Variants in DCTN2 observed in about 807,000 individuals in gnomAD.
DCTN2 encodes the protein 50 kDa dynein-associated polypeptide.
A neutral mutation model predicts 55.4 loss-of-function variants in DCTN2; 18 were observed. That is an observed-to-expected ratio of 0.32 (90% CI 0.22 to 0.48). The LOEUF is 0.48. Among genes scored for constraint, DCTN2 ranks in the 20% least tolerant of loss-of-function variants. The pLI is 0.99. For synonymous variants in DCTN2, 168 were observed against 185.2 expected, an observed-to-expected ratio of 0.91 and a Z score of 0.76; for missense variants, 390 against 491.0, an observed-to-expected ratio of 0.79 and a Z score of 1.94.
intron 2 of DCTN2, among the ~76,000 whole-genome samples, chr12:57,539,607 T>C (rs1486781968): frequency 1.3e-5 from 2 of 152,204 alleles, no homozygotes; most frequent in African/African-American, 4.8e-5. Context: ...TGGTTGAGGA[T>C]GGTTGTATGC....
chr12:57,537,361 AG>A lies in DCTN2; in HGVS notation c.106-1517del, dbSNP rs1313953264. Reference sequence around the variant, plus strand: ...AAAAAGAAAAAGAGAGAGAGAGAAAAGAAAAAAAAAAAAAAAAAAAGGCCTG... The same window carrying A: ...AAAAAGAAAAAGAGAGAGAGAGAAAAAAAAAAAAAAAAAAAAAAAGGCCTG... On this transcript the variant is annotated intron_variant, in intron 2 of 13. Transcript: ENST00000548249. Among the ~76,000 whole-genome samples, 280 of 144,850 alleles carry A rather than the reference AG, an allele frequency of 1.9e-3. 1 individual carries two copies. Among genetic ancestry groups the A allele is most frequent in the African/African-American group, 7.2e-3 (272 of 37,786 alleles).
intron 5 of DCTN2, 80 bp from the exon 6 acceptor site, chr12:57,534,532 T>C: frequency 6.9e-7 from 1 of 1,452,498 alleles, no homozygotes; most frequent in Non-Finnish European, 9.3e-7. Flanking sequence ...CCTTTAAAGG[T>C]AGTTGTAGCT....
Position 57,530,772 on chromosome 12 carries a change from G to GCAC in DCTN2, c.1120_1122dup (p.Val374dup). 1 of 1,613,418 alleles carries GCAC rather than the reference G, an allele frequency of 6.2e-7. No homozygotes were observed. Among genetic ancestry groups the GCAC allele is most frequent in the Non-Finnish European group, 8.5e-7 (1 of 1,179,374 alleles). ...GCCAGGTTTTCACGCATGGTTGTCTGCACCTACAAAGTGGTAGAGAGGTTT... is the reference window on the plus strand; with the variant it reads ...GCCAGGTTTTCACGCATGGTTGTCTGCACCACCTACAAAGTGGTAGAGAGGTTT... On this transcript the variant is annotated inframe_insertion, in exon 14 of 14. Transcript: ENST00000548249.
At chr12:57,537,741 C>T (rs2140127819) in intron 2 of DCTN2, among the ~76,000 whole-genome samples, 1 of 152,240 alleles carries the variant, frequency 6.6e-6, no homozygotes, top group East Asian at 1.9e-4. Flanking sequence ...ACTCAATGTC[C>T]CATATGCAAG....
intron 2 of DCTN2, chr12:57,536,180 C>T: frequency 3.5e-6 from 1 of 288,030 alleles, no homozygotes; most frequent in Non-Finnish European, 6.5e-6. Context: ...AGGCAAGAAA[C>T]CAACCTGACC....
intron 2 of DCTN2, among the ~76,000 whole-genome samples, chr12:57,537,977 C>A (rs147908331): frequency 7.9e-5 from 12 of 152,286 alleles, no homozygotes; most frequent in Middle Eastern, 6.8e-3. Context: ...CCCACCCATC[C>A]TCTTTTGTTT....
chr12:57,542,903 G>C, intron 2 of DCTN2: 1 of 456,080 alleles, frequency 2.2e-6, no homozygotes, highest in South Asian at 1.5e-5. Context: ...AGAGAACTGA[G>C]TGGTGGTAGG....
intron 2 of DCTN2, chr12:57,540,138 G>T: frequency 2.0e-6 from 2 of 985,046 alleles, no homozygotes; most frequent in African/African-American, 1.7e-5. Flanking sequence ...GCATAGAGTG[G>T]GTGTAAGCAC....
At chr12:57,535,317 C>A in intron 4 of DCTN2, 163 bp from the exon 5 acceptor site, 2 of 1,043,280 alleles carry the variant, frequency 1.9e-6, no homozygotes, top group Non-Finnish European at 1.4e-6. Context: ...TGGAGGCTCT[C>A]CAGAACAAAC....
chr12:57,535,183 A>T, intron 4 of DCTN2, 29 bp from the exon 5 acceptor site: 1 of 1,558,146 alleles, frequency 6.4e-7, no homozygotes, highest in Non-Finnish European at 8.8e-7. Flanking sequence ...GGGTAATGTT[A>T]TATGTCTCAT....
intron 2 of DCTN2, 95 bp from the exon 3 acceptor site, chr12:57,535,940 C>T: frequency 1.1e-6 from 1 of 947,948 alleles, no homozygotes; most frequent in Non-Finnish European, 1.6e-6. Context: ...GGTGACTGGG[C>T]CCTACTTGTC....
At position 57,536,065 on chromosome 12, in the gene DCTN2, C is replaced by G. The variant is rs147729382; in HGVS notation, c.106-220G>C. 34 of 565,816 alleles carry G rather than the reference C, an allele frequency of 6.0e-5. No homozygotes were observed. The Middle Eastern group carries it at 2.3e-3, about 38-fold the overall frequency. 35.0% of individuals were successfully genotyped at this position (565,816 alleles called of 1,614,324 possible). ...TTGTATAAATATTAACACCCTCATT[C>G]AACTGGGAGCAGAGGGAGCATAACC... On this transcript the variant is annotated intron_variant, in intron 2 of 13. Coordinates refer to ENST00000548249, the MANE Select transcript of DCTN2 (RefSeq NM_001261413.2).
At position 57,534,050 on chromosome 12, in the gene DCTN2, G is replaced by A; in HGVS notation, c.572C>T (p.Ser191Leu). Reference protein sequence around the residue: ...LEATKNSKGGSGGKTTGTPPD... With the variant: ...LEATKNSKGGLGGKTTGTPPD... The stretch of plus-strand genomic sequence containing the variant: ...GGGGGTCCCAGTGGTTTTTCCCCCT[G>A]ATCCCCCTTTGCTGTTCTTTGTTGC... Residue 191 changes from serine to leucine, a missense_variant, in exon 7 of 14, where the codon TCA becomes TTA. Around this residue, in one of 2 missense-constraint regions of DCTN2, gnomAD observed 273 missense variants for 303.2 expected, o/e 0.90. Transcript: ENST00000548249. The A allele has an allele frequency of 6.2e-7, 1 of 1,613,008 alleles. No individual in the cohort carries two copies. Among genetic ancestry groups the A allele is most frequent in the Non-Finnish European group, 8.5e-7 (1 of 1,179,502 alleles).
chr12:57,541,956 A>G (rs1880730759), intron 2 of DCTN2, among the ~76,000 whole-genome samples: 1 of 152,224 alleles, frequency 6.6e-6, no homozygotes, highest in Non-Finnish European at 1.5e-5. Flanking sequence ...ACTTCCTGCT[A>G]AAATTGTTTT....
intron 3 of DCTN2, 34 bp from the exon 4 acceptor site, chr12:57,535,579 A>G: frequency 6.2e-7 from 1 of 1,608,086 alleles, no homozygotes; most frequent in South Asian, 1.1e-5. Context: ...TGAGGGCCTG[A>G]TCTAGGCCCA....
chr12:57,535,257 T>A, intron 4 of DCTN2, 103 bp from the exon 5 acceptor site: 1 of 1,066,024 alleles, frequency 9.4e-7, no homozygotes, highest in East Asian at 2.5e-5. Flanking sequence ...CATATCCAAT[T>A]GAGAATCCAC....
intron 2 of DCTN2, chr12:57,543,806 C>T (rs1289305274): frequency 7.8e-7 from 1 of 1,289,504 alleles, no homozygotes. Context: ...CACTTCTATA[C>T]TGGCATCCTG....
At chr12:57,540,134 A>G (rs1481878625) in intron 2 of DCTN2, 1 of 985,124 alleles carries the variant, frequency 1.0e-6, no homozygotes, top group Non-Finnish European at 1.2e-6. Flanking sequence ...CTCTGCATAG[A>G]GTGGGTGTAA....
intron 7 of DCTN2, 50 bp downstream of exon 7, chr12:57,533,903 A>G: frequency 6.6e-7 from 1 of 1,524,908 alleles, no homozygotes; most frequent in Non-Finnish European, 8.8e-7. Context: ...GAAAATCTCT[A>G]GGGTCACATC....
Sources: allele counts gnomAD v4.1 joint callset (sites outside exome capture counted in the v4.1 genomes callset), GRCh38; gene constraint gnomAD v4.1.1; regional missense constraint gnomAD v4.1.1; transcripts MANE v1.5; gene names NCBI Gene and HGNC (gene_info 2026-07-23, HGNC 2026-07-21).